LAD1: variants seen among roughly 807,000 people sequenced by gnomAD.
LAD1 encodes ladinin-1.
LAD1 carries 53 observed loss-of-function variants against 54.2 expected under a neutral mutation model. That is an observed-to-expected ratio of 0.98 (90% CI 0.78 to 1.23). The LOEUF (loss-of-function observed/expected upper bound fraction) is 1.23. LAD1 is among the 50% of genes most tolerant of loss of function. The probability of loss-of-function intolerance (pLI) is 0.00; values close to 1 mark genes in which losing one functional copy is unlikely to be tolerated. For synonymous variants in LAD1, 231 were observed against 257.7 expected (o/e 0.90, Z 0.99); for missense variants, 637 against 653.3 (o/e 0.98, Z 0.27).
intron 1 of LAD1, chr1:201,391,271 C>T: frequency 2.5e-6 from 1 of 404,072 alleles, no homozygotes; most frequent in South Asian, 1.8e-5. Context: ...GTTCCTGCCC[C>T]AGTCACCCTT....
rs796234115 is a variant in LAD1 at position 201,386,563 on chromosome 1, T to G, written c.798A>C (p.Ala266=). ...CAGTTGGGCTCTTCTCTGAGGCCAG[T>G]GCCTTCTCAAAGATGGAAGCTTTCT... is the stretch of plus-strand genomic sequence containing the variant. ...VSEKASIFEK[A]LASEKSPTAD... The change falls in exon 3 of 10, where the codon GCA becomes GCC. Residue 266 remains alanine, a synonymous_variant. Transcript: ENST00000391967. 5.0e-6 allele frequency: 8 copies of G among 1,613,894 alleles called. No homozygotes were observed. In the African/African-American group the frequency reaches 1.1e-4, roughly 22 times the overall value.
At chr1:201,389,018 AGG>A in intron 2 of LAD1, 140 bp downstream of exon 2, 5 of 933,536 alleles carry the variant, frequency 5.4e-6, no homozygotes, top group Non-Finnish European at 8.2e-6. Context: ...AGTCTGGGGA[AGG>A]TGGGGAACTG....
intron 2 of LAD1, among the ~76,000 whole-genome samples, chr1:201,388,601 T>A (rs2102357689): frequency 6.6e-6 from 1 of 150,416 alleles, no homozygotes; most frequent in African/African-American, 2.5e-5. Flanking sequence ...AAGAATTGCT[T>A]GAACCTAGGA....
chr1:201,382,222 C>T (rs371455967), intron 9 of LAD1, 30 bp downstream of exon 9: 5 of 1,592,040 alleles, frequency 3.1e-6, no homozygotes, highest in Admixed American at 1.7e-5. Context: ...GGCCCTCCGC[C>T]GTAGGGCCAG....
rs149475554 is a variant in LAD1 at position 201,387,582 on chromosome 1, G to A, written c.183-404C>T. 6.7e-3 allele frequency among the ~76,000 whole-genome samples: 1,025 copies of A among 152,264 alleles called. 11 individuals carry two copies. The highest frequency in any genetic ancestry group is 0.024 in the African/African-American group (982 of 41,552). ...TTTGTCAAGGTCACACAGCTGATTCGTGGGGGAGCTGGGAGCAGAACCTAA... is the reference window on the plus strand; with the variant it reads ...TTTGTCAAGGTCACACAGCTGATTCATGGGGGAGCTGGGAGCAGAACCTAA... On this transcript the variant is annotated intron_variant, in intron 2 of 9. Transcript: ENST00000391967.
At position 201,399,319 on chromosome 1, in the gene LAD1, C is replaced by T. The variant is rs573435871; in HGVS notation, c.-13G>A. ...TGCTGACAGCCATGCTGCAGGAGCCCCGCGTGGCCGCCCGCGCCCCGCCGG... is the reference window on the plus strand; with the variant it reads ...TGCTGACAGCCATGCTGCAGGAGCCTCGCGTGGCCGCCCGCGCCCCGCCGG... On this transcript the variant is annotated 5_prime_UTR_variant, in exon 1 of 10. Transcript: ENST00000391967. 1.2e-3 allele frequency: 1,860 copies of T among 1,532,728 alleles called. 21 individuals are homozygous for T. The African/African-American group carries it at 0.022, about 18-fold the overall frequency. 94.9% of individuals were successfully genotyped at this position (1,532,728 alleles called of 1,614,324 possible).
In LAD1 at chr1:201,387,052, C is replaced by T; in HGVS notation, c.309G>A (p.Glu103=). Residue 103 remains glutamate (E), a synonymous_variant, in exon 3 of 10, where the codon GAG becomes GAA. Transcript: ENST00000391967. ...QERRQRRQVV[E]AAQAPIQERL... is the part of the protein sequence containing the mutation. ...TCTCCTGGATGGGGGCCTGTGCAGC[C>T]TCCACCACCTGCCGCCTCTGCCTCC... 1 of 1,612,376 alleles carries T rather than the reference C, an allele frequency of 6.2e-7. No homozygotes were observed. Among genetic ancestry groups the T allele is most frequent in the Non-Finnish European group, 8.5e-7 (1 of 1,179,328 alleles).
intron 1 of LAD1, among the ~76,000 whole-genome samples, chr1:201,390,242 TACTCAAAAACTTA>T (rs547993860): frequency 4.0e-4 from 61 of 151,628 alleles, no homozygotes; most frequent in Admixed American, 6.6e-4. Flanking sequence ...TTAATGTGAC[TACTCAAAAACTTA>T]ACATTTTAGG....
Position 201,382,240 on chromosome 1 carries a change from C to G in LAD1, c.1548+12G>C. The G allele has an allele frequency of 6.2e-7, 1 of 1,610,076 alleles. No homozygotes were observed. The highest frequency in any genetic ancestry group is 1.3e-5 in the African/African-American group (1 of 75,000). On this transcript the variant is annotated intron_variant, in intron 9 of 9. Coordinates refer to ENST00000391967, the MANE Select transcript of LAD1 (RefSeq NM_005558.4). ...CCTCCGCCGTAGGGCCAGGCTCCTCCCCACCATTCACCTCAGCGTCCAGCG... is the reference window on the plus strand; with the variant it reads ...CCTCCGCCGTAGGGCCAGGCTCCTCGCCACCATTCACCTCAGCGTCCAGCG...
At position 201,386,471 on chromosome 1, in the gene LAD1, G is replaced by C. The variant is rs1662088678; in HGVS notation, c.890C>G (p.Ala297Gly). The stretch of plus-strand genomic sequence containing the variant: ...GGTGGTGGCTGGGCTTCCCCCAGAG[G>C]CTGGCGGCTCCTGCGCCAGGGGCTG... ...SEQPLAQEPPASGGSPATTKE... is the reference protein window; with the variant it reads ...SEQPLAQEPPGSGGSPATTKE... The change falls in exon 3 of 10, where the codon GCC becomes GGC. Residue 297 changes from alanine (A) to glycine (G), a missense_variant. Physicochemically the swap from Ala to Gly is moderately conservative, Grantham distance 60. Coordinates refer to ENST00000391967, the MANE Select transcript of LAD1 (RefSeq NM_005558.4). 1 of 1,551,384 alleles carries C rather than the reference G, an allele frequency of 6.4e-7. No homozygotes were observed. Among genetic ancestry groups the C allele is most frequent in the Non-Finnish European group, 8.7e-7 (1 of 1,154,692 alleles).
intron 1 of LAD1, among the ~76,000 whole-genome samples, chr1:201,390,444 A>C (rs1662178579): frequency 6.6e-6 from 1 of 151,806 alleles, no homozygotes; most frequent in Non-Finnish European, 1.5e-5. Context: ...GGCTGAGGCC[A>C]GAGAATTGCT....
At chr1:201,393,406 A>C (rs1662230510) in intron 1 of LAD1, among the ~76,000 whole-genome samples, 2 of 152,214 alleles carry the variant, frequency 1.3e-5, no homozygotes, top group Admixed American at 1.3e-4. Context: ...GGAAACCAAA[A>C]AAGGAATTAG....
intron 5 of LAD1, among the ~76,000 whole-genome samples, chr1:201,383,965 C>T (rs1662022931): frequency 1.3e-5 from 2 of 152,230 alleles, no homozygotes; most frequent in South Asian, 4.1e-4. Context: ...AAACTTCCTG[C>T]TAGTTCATGG....
chr1:201,388,360 C>G (rs1291601020), intron 2 of LAD1, among the ~76,000 whole-genome samples: 1 of 150,986 alleles, frequency 6.6e-6, no homozygotes, highest in Non-Finnish European at 1.5e-5. Flanking sequence ...TGCACTCCAG[C>G]CGGGGTGACA....
intron 1 of LAD1, among the ~76,000 whole-genome samples, chr1:201,396,958 G>C (rs988246641): frequency 1.3e-5 from 2 of 152,158 alleles, no homozygotes; most frequent in Non-Finnish European, 2.9e-5. Context: ...ACCCCCTGCA[G>C]ACAGGCCTGG....
chr1:201,383,393 C>A lies in LAD1; in HGVS notation c.1176-4G>T. 1 of 1,614,038 alleles carries A rather than the reference C, an allele frequency of 6.2e-7. No individual in the cohort carries two copies. Among genetic ancestry groups the A allele is most frequent in the Non-Finnish European group, 8.5e-7 (1 of 1,179,970 alleles). On this transcript the variant is annotated splice_region_variant and splice_polypyrimidine_tract_variant and intron_variant, in intron 5 of 9. Coordinates refer to ENST00000391967, the MANE Select transcript of LAD1 (RefSeq NM_005558.4). ...GTCTGGGAGCTTCATGCTGGCACTG[C>A]AGGATGGAAGATGGAACAGGCGAGC...
At chr1:201,392,026 C>T (rs1236740131) in intron 1 of LAD1, among the ~76,000 whole-genome samples, 1 of 152,280 alleles carries the variant, frequency 6.6e-6, no homozygotes, top group Non-Finnish European at 1.5e-5. Context: ...CTGTCCCAGC[C>T]TCTCCTGCTG....
Position 201,381,449 on chromosome 1 carries a change from G to A in LAD1, c.*439C>T. ...AGGCCCCAGGGACAAAGATGGGTGG[G>A]TCCAGGCCTCAGAGAAGGGGGACAT... On this transcript the variant is annotated 3_prime_UTR_variant, in exon 10 of 10. Coordinates refer to ENST00000391967, the MANE Select transcript of LAD1 (RefSeq NM_005558.4). 1 of 251,858 alleles carries A rather than the reference G, an allele frequency of 4.0e-6. No individual in the cohort carries two copies. Among genetic ancestry groups the A allele is most frequent in the Non-Finnish European group, 7.7e-6 (1 of 129,496 alleles). The allele number at this position is 251,858 out of a possible 1,614,324, so 15.6% of individuals were successfully genotyped here. A position where few individuals can be genotyped will look rare whatever the true frequency, so the allele number is the denominator to read the frequency against.
intron 7 of LAD1, 120 bp downstream of exon 7, chr1:201,382,954 T>C: frequency 8.0e-7 from 1 of 1,255,576 alleles, no homozygotes; most frequent in South Asian, 1.4e-5. Flanking sequence ...CAAATGGAGG[T>C]TCTGCCAACA....
Sources: allele counts gnomAD v4.1 joint callset (sites outside exome capture counted in the v4.1 genomes callset), GRCh38; gene constraint gnomAD v4.1.1; transcripts MANE v1.5; gene names NCBI Gene and HGNC (gene_info 2026-07-23, HGNC 2026-07-21).